Variants in AKT3 observed in about 807,000 individuals in gnomAD.
AKT3 encodes the protein AKT serine/threonine kinase 3.
AKT3 carries 15 observed loss-of-function variants against 65.3 expected under a neutral mutation model. That is an observed-to-expected ratio of 0.23 (90% confidence interval 0.15 to 0.35). The LOEUF (loss-of-function observed/expected upper bound fraction) is 0.35. AKT3 is among the 10% of genes least tolerant of loss of function. The probability of loss-of-function intolerance (pLI) is 1.00; values close to 1 mark genes in which losing one functional copy is unlikely to be tolerated. For missense variants in AKT3, 243 were observed against 576.5 expected (o/e 0.42, Z 5.92); for synonymous variants, 206 against 183.8 (o/e 1.12, Z -0.98).
At chr1:243,770,456 T>A (rs750101591) in intron 2 of AKT3, among the ~76,000 whole-genome samples, 2 of 152,100 alleles carry the variant, frequency 1.3e-5, no homozygotes, top group Non-Finnish European at 2.9e-5. Flanking sequence ...TGCCATAGTA[T>A]CATACTTTTT....
chr1:243,563,931 G>T (rs910230541), intron 9 of AKT3, 83 bp from the exon 10 acceptor site: 10 of 1,369,470 alleles, frequency 7.3e-6, no homozygotes, highest in Non-Finnish European at 9.8e-6. Flanking sequence ...ACTGAATGCT[G>T]AGTAAGGTAT....
intron 3 of AKT3, among the ~76,000 whole-genome samples, chr1:243,672,766 A>G (rs1314036646): frequency 1.3e-5 from 2 of 152,222 alleles, no homozygotes; most frequent in Non-Finnish European, 2.9e-5. Flanking sequence ...ACTACCATTT[A>G]CCAAAAGCAC....
chr1:243,583,460 C>A (rs1675554932), intron 8 of AKT3, among the ~76,000 whole-genome samples: 1 of 149,568 alleles, frequency 6.7e-6, no homozygotes. Context: ...TACCCATCAG[C>A]CACAGAACAT....
At chr1:243,675,093 GTAC>G (rs1467724201) in intron 3 of AKT3, among the ~76,000 whole-genome samples, 2 of 152,164 alleles carry the variant, frequency 1.3e-5, no homozygotes, top group Non-Finnish European at 2.9e-5. Context: ...ATTTCCATCT[GTAC>G]CAATGAGACA....
At chr1:243,790,302 G>A (rs536855241) in intron 2 of AKT3, among the ~76,000 whole-genome samples, 1 of 152,312 alleles carries the variant, frequency 6.6e-6, no homozygotes, top group East Asian at 1.9e-4. Context: ...TAGATCTTCT[G>A]GATAAATTGT....
intron 2 of AKT3, among the ~76,000 whole-genome samples, chr1:243,762,360 A>AC (rs769738584): frequency 6.6e-6 from 1 of 152,020 alleles, no homozygotes; most frequent in Non-Finnish European, 1.5e-5. Flanking sequence ...GCTAACACAC[A>AC]TTTTTCAGAA....
chr1:243,831,696 G>A lies in AKT3; in HGVS notation c.46+11429C>T, dbSNP rs551748408. Among the ~76,000 whole-genome samples the A allele has an allele frequency of 7.9e-5, 12 of 152,246 alleles. No individual in the cohort carries two copies. The South Asian group carries it at 2.1e-3, about 26-fold the overall frequency. On this transcript the variant is annotated intron_variant, in intron 2 of 13. Coordinates refer to ENST00000673466, the MANE Select transcript of AKT3 (RefSeq NM_005465.7). ...TCTGCATTCTCCACTGGGAAGTAGA[G>A]CAGTGAATAATATTACTCACACAGT... is the stretch of plus-strand genomic sequence containing the variant.
chr1:243,599,328 A>AT (rs1676847286), intron 8 of AKT3, among the ~76,000 whole-genome samples: 3 of 152,194 alleles, frequency 2.0e-5, no homozygotes, highest in South Asian at 2.1e-4. Context: ...AATATAAAAC[A>AT]TTTTTTCTAT....
chr1:243,499,327 G>A (rs545878395), downstream of AKT3, among the ~76,000 whole-genome samples: 18 of 152,242 alleles, frequency 1.2e-4, no homozygotes, highest in African/African-American at 3.9e-4. Flanking sequence ...ATTGTTTCAC[G>A]AGGAATTTCT....
intron 2 of AKT3, among the ~76,000 whole-genome samples, chr1:243,767,940 C>T (rs780209202): frequency 6.6e-5 from 10 of 151,350 alleles, no homozygotes; most frequent in Admixed American, 1.3e-4. Flanking sequence ...GTAATGAAAA[C>T]GGTAAAATTT....
intron 12 of AKT3, among the ~76,000 whole-genome samples, chr1:243,530,845 A>C (rs1671473993): frequency 6.6e-6 from 1 of 152,214 alleles, no homozygotes; most frequent in South Asian, 2.1e-4. Context: ...ACTACTCTTC[A>C]ATTTTCTTGA....
At chr1:243,839,080 A>C (rs1487609646) in intron 2 of AKT3, among the ~76,000 whole-genome samples, 1 of 152,180 alleles carries the variant, frequency 6.6e-6, no homozygotes, top group Non-Finnish European at 1.5e-5. Flanking sequence ...TTTATAAAAG[A>C]CTACTTAGGT....
At chr1:243,646,062 A>G (rs1680783723) in intron 4 of AKT3, 25 bp from the exon 5 acceptor site, 1 of 1,561,762 alleles carries the variant, frequency 6.4e-7, no homozygotes, top group African/African-American at 1.4e-5. Context: ...AAAATTTCCC[A>G]TTAATAGAAG....
At chr1:243,814,640 A>AC (rs1693392773) in intron 2 of AKT3, 1 of 152,066 alleles carries the variant, frequency 6.6e-6, no homozygotes, top group Admixed American at 6.6e-5. Flanking sequence ...TTCTCCCCCA[A>AC]CCCCACTACC....
At chr1:243,709,669 C>T (rs1183271315) in intron 2 of AKT3, among the ~76,000 whole-genome samples, 1 of 151,930 alleles carries the variant, frequency 6.6e-6, no homozygotes, top group Non-Finnish European at 1.5e-5. Context: ...ACTAGCTTAA[C>T]AGTTGAACAT....
chr1:243,781,681 A>T (rs953150027), intron 2 of AKT3, among the ~76,000 whole-genome samples: 1 of 152,196 alleles, frequency 6.6e-6, no homozygotes, highest in Non-Finnish European at 1.5e-5. Context: ...TTTTAAATGT[A>T]TCTAATACCT....
rs556561933 is a variant in AKT3 at position 243,678,875 on chromosome 1, C to T, written c.173-13992G>A. Among the ~76,000 whole-genome samples, 26 of 152,136 alleles carry T rather than the reference C, an allele frequency of 1.7e-4. No individual in the cohort carries two copies. The South Asian group carries it at 2.9e-3, about 17-fold the overall frequency. On this transcript the variant is annotated intron_variant, in intron 3 of 13. Transcript: ENST00000673466. ...AACTCTTGGAAAATACAGGTCTGAA[C>T]GGCACAATTCCACTTATACATGGAT...
chr1:243,771,700 T>A (rs1171633890), intron 2 of AKT3, among the ~76,000 whole-genome samples: 1 of 151,764 alleles, frequency 6.6e-6, no homozygotes, highest in Non-Finnish European at 1.5e-5. Context: ...CCACAAAAGG[T>A]TCAAGTAAGA....
intron 6 of AKT3, among the ~76,000 whole-genome samples, chr1:243,636,022 G>A (rs1005716885): frequency 1.3e-5 from 2 of 152,052 alleles, no homozygotes; most frequent in Non-Finnish European, 2.9e-5. Flanking sequence ...ACTCAGAAAA[G>A]TGTAAGTAGT....
Sources: gnomAD v4.1 joint callset for allele counts (sites outside exome capture counted in the v4.1 genomes callset) on GRCh38, gnomAD v4.1.1 for gene constraint, MANE v1.5 for transcripts, NCBI Gene and HGNC (gene_info 2026-07-23, HGNC 2026-07-21) for gene names.